Variants in LOXL2 observed in about 807,000 individuals in gnomAD.
LOXL2 encodes lysyl oxidase homolog 2.
A neutral mutation model predicts 93.0 loss-of-function variants in LOXL2; 70 were observed. The ratio of observed to expected loss-of-function variants is 0.75; its 90% CI spans 0.62 to 0.92. LOXL2 has a LOEUF of 0.92. Among genes scored for constraint, LOXL2 ranks in the 40% least tolerant of loss-of-function variants. LOXL2 has a pLI of 0.00. For missense variants in LOXL2, 973 were observed against 1,054.9 expected, an observed-to-expected ratio of 0.92 and a Z score of 1.08; for synonymous variants, 438 against 413.2, an observed-to-expected ratio of 1.06 and a Z score of -0.73.
intron 3 of LOXL2, chr8:23,341,582 C>T (rs553723273): frequency 3.0e-5 from 9 of 304,270 alleles, no homozygotes; most frequent in East Asian, 7.7e-5. Context: ...TCTTTGAATG[C>T]GGATTTTGCA....
rs1803291357 is a variant in LOXL2, at chr8:23,309,702, C to T, written c.1846G>A (p.Gly616Ser). Residue 616 changes from glycine (G) to serine (S), a missense_variant, in exon 10 of 14, where the codon GGC (glycine) becomes AGC (serine). Coordinates refer to ENST00000389131, the MANE Select transcript of LOXL2 (RefSeq NM_002318.3). ...TCGTGCCAGATCCACGCGTGGCGGC[C>T]GTTCTTGGGCCGGAAGTCGGACTGG... ...NGQSDFRPKN[G>S]RHAWIWHDCH... is the part of the protein sequence containing the mutation. The T allele has an allele frequency of 3.9e-6, 6 of 1,554,262 alleles. No individual in the cohort carries two copies. The highest frequency in any genetic ancestry group is 2.4e-5 in the East Asian group (1 of 41,030).
rs1563191612 is a variant in LOXL2 at position 23,328,566 on chromosome 8, C to A, written c.967-1G>T. 6.2e-7 allele frequency: 1 copy of A among 1,613,796 alleles called. No individual in the cohort carries two copies. The highest frequency in any genetic ancestry group is 8.5e-7 in the Non-Finnish European group (1 of 1,180,020). The stretch of plus-strand genomic sequence containing the variant: ...CGCCTCTCAGTCGCACCAGGGGTTG[C>A]TGAAGAGACACACGGTCCTGCTGAG... On this transcript the variant is annotated splice_acceptor_variant, in intron 5 of 13. Coordinates refer to ENST00000389131, the MANE Select transcript of LOXL2 (RefSeq NM_002318.3). LOFTEE classifies it high-confidence loss of function.
intron 1 of LOXL2, among the ~76,000 whole-genome samples, chr8:23,388,736 AG>A (rs1177355551): frequency 2.6e-5 from 4 of 151,802 alleles, no homozygotes; most frequent in Non-Finnish European, 2.9e-5. Context: ...CTAAATAAAA[AG>A]GTGTCTTCTC....
rs1413116819 is a variant in LOXL2 at position 23,308,990 on chromosome 8, A to ATATT, written c.1880+677_1880+678insAATA. On this transcript the variant is annotated intron_variant, in intron 10 of 13. Coordinates refer to ENST00000389131, the MANE Select transcript of LOXL2 (RefSeq NM_002318.3). The stretch of plus-strand genomic sequence containing the variant: ...ACGTGGAATATATATATATATATAT[A>ATATT]TTTTTTTTTTTTGAGACAGAGCCTG... Among the ~76,000 whole-genome samples, 199 of 136,724 alleles carry ATATT rather than the reference A, an allele frequency of 1.5e-3. 1 individual carries two copies. Among genetic ancestry groups the ATATT allele is most frequent in the African/African-American group, 5.2e-3 (189 of 36,126 alleles). 89.7% of individuals were successfully genotyped at this position (136,724 alleles called of 152,430 possible).
At chr8:23,360,020 C>G in intron 3 of LOXL2, 70 bp downstream of exon 3, 2 of 1,415,648 alleles carry the variant, frequency 1.4e-6, no homozygotes, top group Non-Finnish European at 2.0e-6. Context: ...GAAATCAATA[C>G]GCAAAAAGCG....
intron 1 of LOXL2, among the ~76,000 whole-genome samples, chr8:23,384,250 G>T (rs1274840224): frequency 6.6e-6 from 1 of 152,208 alleles, no homozygotes; most frequent in Admixed American, 6.5e-5. Flanking sequence ...GCAGAGCAAG[G>T]CATGATCCCA....
chr8:23,341,491 C>T (rs779726783), intron 3 of LOXL2: 19 of 483,452 alleles, frequency 3.9e-5, no homozygotes, highest in African/African-American at 7.8e-5. Flanking sequence ...CTCCTACATC[C>T]GAACCTAAGA....
chr8:23,353,379 C>T (rs552700714), intron 3 of LOXL2, among the ~76,000 whole-genome samples: 430 of 151,474 alleles, frequency 2.8e-3, no homozygotes, highest in African/African-American at 7.1e-3. Flanking sequence ...CTACTTACCT[C>T]CTTTTAAGAA....
intron 1 of LOXL2, among the ~76,000 whole-genome samples, chr8:23,374,026 T>G (rs1415882198): frequency 6.6e-6 from 1 of 152,166 alleles, no homozygotes; most frequent in Non-Finnish European, 1.5e-5. Context: ...TGTATACATG[T>G]GCCATGTTGG....
chr8:23,331,156 C>T (rs761875266), intron 5 of LOXL2, among the ~76,000 whole-genome samples: 7 of 152,118 alleles, frequency 4.6e-5, no homozygotes, highest in Non-Finnish European at 1.0e-4. Flanking sequence ...ACCTCCTTTC[C>T]ACAGCAGGTC....
rs770424807 is a variant in LOXL2, at chr8:23,354,932, A to AATATATATATATATATAT, written c.531+5140_531+5157dup. On this transcript the variant is annotated intron_variant, in intron 3 of 13. Transcript: ENST00000389131. Reference sequence around the variant, plus strand: ...TCTCCGCCTTGGCTCTGGGAGTTGGAATATATATATATATATATTTTTTTT... The same window carrying AATATATATATATATATAT: ...TCTCCGCCTTGGCTCTGGGAGTTGGAATATATATATATATATATATATATATATATATATATTTTTTTT... Among the ~76,000 whole-genome samples the AATATATATATATATATAT allele has an allele frequency of 2.0e-3, 118 of 59,170 alleles. 3 individuals are homozygous for AATATATATATATATATAT. Among genetic ancestry groups the AATATATATATATATATAT allele is most frequent in the Non-Finnish European group, 2.7e-3 (96 of 35,344 alleles). 38.8% of individuals were successfully genotyped at this position (59,170 alleles called of 152,430 possible). A position where few individuals can be genotyped will look rare whatever the true frequency, so the allele number is the denominator to read the frequency against.
In LOXL2 at chr8:23,392,460, C is replaced by G. The variant is rs548499439; in HGVS notation, c.-84+11494G>C. ...AGAGACCTGCAGGTCCTCGCTTTTACTGAGGGAGACAGACCTTGTCAGCTA... is the reference window on the plus strand; with the variant it reads ...AGAGACCTGCAGGTCCTCGCTTTTAGTGAGGGAGACAGACCTTGTCAGCTA... On this transcript the variant is annotated intron_variant, in intron 1 of 13. Coordinates refer to ENST00000389131, the MANE Select transcript of LOXL2 (RefSeq NM_002318.3). 9.2e-5 allele frequency among the ~76,000 whole-genome samples: 14 copies of G among 152,342 alleles called. No homozygotes were observed. The South Asian group carries it at 2.5e-3, about 27-fold the overall frequency.
At chr8:23,386,077 A>C (rs758012269) in intron 1 of LOXL2, 1 of 764,906 alleles carries the variant, frequency 1.3e-6, no homozygotes, top group Non-Finnish European at 2.4e-6. Flanking sequence ...GAAAGGCTAC[A>C]TGATTTTCCT....
At chr8:23,321,841 C>T (rs774880522) in intron 7 of LOXL2, 1 of 382,086 alleles carries the variant, frequency 2.6e-6, no homozygotes, top group Non-Finnish European at 4.8e-6. Context: ...GGTCCCACGC[C>T]TGTCTTTGGA....
At chr8:23,388,471 C>T (rs983618417) in intron 1 of LOXL2, among the ~76,000 whole-genome samples, 2 of 151,996 alleles carry the variant, frequency 1.3e-5, no homozygotes, top group African/African-American at 4.8e-5. Context: ...ATTGTTCCAG[C>T]TACTTGGGAG....
intron 4 of LOXL2, among the ~76,000 whole-genome samples, chr8:23,335,607 G>A (rs1004793350): frequency 2.0e-5 from 3 of 152,134 alleles, no homozygotes; most frequent in Non-Finnish European, 4.4e-5. Flanking sequence ...GTCCAGGAAG[G>A]CCCTGCTACC....
At chr8:23,391,838 G>T (rs1804849327) in intron 1 of LOXL2, among the ~76,000 whole-genome samples, 1 of 152,160 alleles carries the variant, frequency 6.6e-6, no homozygotes, top group South Asian at 2.1e-4. Context: ...TAAGATGAGT[G>T]TACTGGGTGA....
chr8:23,354,983 A>T (rs1264837324), intron 3 of LOXL2, among the ~76,000 whole-genome samples: 1 of 66,458 alleles, frequency 1.5e-5, no homozygotes, highest in Non-Finnish European at 3.0e-5. Context: ...TTTTTGAGAC[A>T]GTTTTGCTCT....
chr8:23,303,450 T>C, intron 10 of LOXL2, 53 bp from the exon 11 acceptor site: 1 of 1,078,884 alleles, frequency 9.3e-7, no homozygotes, highest in Non-Finnish European at 1.4e-6. Flanking sequence ...AACTGCTGCT[T>C]GCAAGCAGAG....
Sources: gnomAD v4.1 joint callset for allele counts (sites outside exome capture counted in the v4.1 genomes callset) on GRCh38, gnomAD v4.1.1 for gene constraint, MANE v1.5 for transcripts, NCBI Gene and HGNC (gene_info 2026-07-23, HGNC 2026-07-21) for gene names.